ABLIM1: variants seen among roughly 807,000 people sequenced by gnomAD.
ABLIM1 encodes the protein actin binding LIM protein 1.
ABLIM1 carries 40 observed loss-of-function variants against 107.0 expected under a neutral mutation model. The ratio of observed to expected loss-of-function variants is 0.37; its 90% CI spans 0.29 to 0.49. The LOEUF (loss-of-function observed/expected upper bound fraction) is 0.49, where lower values mean the gene tolerates loss of function less well. Ranked by LOEUF, ABLIM1 falls within the 20% of genes least tolerant of loss-of-function variation. The probability of loss-of-function intolerance (pLI) is 0.97; values close to 1 mark genes in which losing one functional copy is unlikely to be tolerated. For synonymous variants in ABLIM1, 357 were observed against 357.3 expected (o/e 1.00, Z 0.01); for missense variants, 857 against 1,008.5 (o/e 0.85, Z 2.04).
the ABLIM1 span, among the ~76,000 whole-genome samples, chr10:114,784,339 C>CT: frequency 7.9e-6 from 1 of 125,920 alleles, no homozygotes; most frequent in Non-Finnish European, 1.5e-5. Context: ...GAGCAAGACT[C>CT]TGTCTCAAAA....
At chr10:114,562,423 G>A (rs913410872) in intron 4 of ABLIM1, among the ~76,000 whole-genome samples, 5 of 152,140 alleles carry the variant, frequency 3.3e-5, no homozygotes, top group Non-Finnish European at 5.9e-5. Flanking sequence ...CAGCTACTCG[G>A]GAGGCTGAGG....
chr10:114,787,712 G>A, the ABLIM1 span, among the ~76,000 whole-genome samples: 1 of 130,562 alleles, frequency 7.7e-6, no homozygotes. Flanking sequence ...AGGTGGGGGG[G>A]TCAGCCCCCC....
At chr10:114,730,396 T>C (rs808352) in intron 1 of ABLIM1, among the ~76,000 whole-genome samples, 86,630 of 126,656 alleles carry the variant, frequency 0.68, 27,980 homozygotes, top group Non-Finnish European at 0.72. Context: ...AAACTCCATC[T>C]CAAAAAAAAA....
At chr10:114,456,928 T>G (rs2062930428) in intron 12 of ABLIM1, among the ~76,000 whole-genome samples, 1 of 118,890 alleles carries the variant, frequency 8.4e-6, no homozygotes, top group Non-Finnish European at 1.7e-5. Context: ...CTAGTTGTTT[T>G]TTTTTTAAAA....
chr10:114,764,239 T>C (rs1158212071), intron 1 of ABLIM1, among the ~76,000 whole-genome samples: 1 of 152,230 alleles, frequency 6.6e-6, no homozygotes, highest in South Asian at 2.1e-4. Flanking sequence ...AAGATGGGAA[T>C]GTCTTAGCTT....
At chr10:114,553,643 C>G (rs1458117009) in intron 4 of ABLIM1, among the ~76,000 whole-genome samples, 1 of 152,218 alleles carries the variant, frequency 6.6e-6, no homozygotes, top group East Asian at 1.9e-4. Flanking sequence ...GCCTCCCACT[C>G]TCTGCCTAGA....
In ABLIM1 at chr10:114,433,513, C is replaced by T. The variant is rs2059064943; in HGVS notation, c.*2747G>A. On this transcript the variant is annotated 3_prime_UTR_variant, in exon 23 of 23. Coordinates refer to ENST00000533213, the MANE Select transcript of ABLIM1 (RefSeq NM_002313.7). Reference sequence around the variant, plus strand: ...GCAGATAGGAGGCTACTGGTGCTTTCTGGCAATGCATTTCTGCAAGGTGCA... The same window carrying T: ...GCAGATAGGAGGCTACTGGTGCTTTTTGGCAATGCATTTCTGCAAGGTGCA... 6.6e-6 allele frequency: 1 copy of T among 152,240 alleles called. No homozygotes were observed. The highest frequency in any genetic ancestry group is 2.1e-4 in the South Asian group (1 of 4,834). The allele number at this position is 152,240 out of a possible 1,614,324, so 9.4% of individuals were successfully genotyped here.
At chr10:114,782,969 G>T in the ABLIM1 span, among the ~76,000 whole-genome samples, 5 of 152,142 alleles carry the variant, frequency 3.3e-5, no homozygotes, top group South Asian at 1.0e-3. Context: ...GGAGGATGCT[G>T]GGATGGGGAA....
At chr10:114,676,292 C>T (rs1417179691) in intron 1 of ABLIM1, among the ~76,000 whole-genome samples, 3 of 152,130 alleles carry the variant, frequency 2.0e-5, no homozygotes, top group Non-Finnish European at 4.4e-5. Context: ...GCCTGGCCAA[C>T]ATGGCAAAAT....
chr10:114,748,327 G>C (rs1209860144), intron 1 of ABLIM1, among the ~76,000 whole-genome samples: 7 of 152,056 alleles, frequency 4.6e-5, no homozygotes, highest in African/African-American at 9.7e-5. Flanking sequence ...ATCTGCGGTT[G>C]GCCAGCTTAT....
intron 1 of ABLIM1, among the ~76,000 whole-genome samples, chr10:114,753,591 CT>C (rs200408728): frequency 6.6e-6 from 1 of 151,868 alleles, no homozygotes. Flanking sequence ...GGCAAAGCAG[CT>C]TTTTTTTCTT....
chr10:114,495,202 A>G (rs1246162190), intron 6 of ABLIM1, among the ~76,000 whole-genome samples: 1 of 152,148 alleles, frequency 6.6e-6, no homozygotes, highest in Non-Finnish European at 1.5e-5. Flanking sequence ...AACCCTTTAT[A>G]ACAAAAATAT....
upstream of ABLIM1, among the ~76,000 whole-genome samples, chr10:114,688,184 T>C (rs548405420): frequency 1.1e-4 from 16 of 152,218 alleles, no homozygotes; most frequent in Non-Finnish European, 2.2e-4. Context: ...TCCTCCGTGC[T>C]AATATTCATT....
chr10:114,693,285 G>C (rs980521418), intron 1 of ABLIM1, among the ~76,000 whole-genome samples: 2 of 152,136 alleles, frequency 1.3e-5, no homozygotes, highest in African/African-American at 4.8e-5. Flanking sequence ...CTGAAGAAAG[G>C]GTTCCATAGC....
At position 114,707,569 on chromosome 10, in the gene ABLIM1, T is replaced by C. The variant is rs1365165880; in HGVS notation, c.-213+60492A>G. On this transcript the variant is annotated intron_variant, in intron 1 of 15. Coordinates refer to the ABLIM1 transcript ENST00000651092. The surrounding 1 kb of genome is among the most constrained non-coding windows in gnomAD (Gnocchi z 4.1). ...AATGACAAATTTGCTAAACCATCAATCCTGCTGCCCCTGGCTTCCTGAGTA... is the reference window on the plus strand; with the variant it reads ...AATGACAAATTTGCTAAACCATCAACCCTGCTGCCCCTGGCTTCCTGAGTA... Among the ~76,000 whole-genome samples the C allele has an allele frequency of 1.3e-5, 2 of 151,860 alleles. No homozygotes were observed. Among genetic ancestry groups the C allele is most frequent in the Non-Finnish European group, 2.9e-5 (2 of 67,968 alleles).
chr10:114,593,236 C>T (rs1488797305), intron 2 of ABLIM1, among the ~76,000 whole-genome samples: 1 of 152,144 alleles, frequency 6.6e-6, no homozygotes, highest in East Asian at 1.9e-4. Flanking sequence ...TTCGGCATGC[C>T]TTTCCTCAAG....
chr10:114,718,524 C>T (rs1178316679), intron 1 of ABLIM1, among the ~76,000 whole-genome samples: 3 of 152,172 alleles, frequency 2.0e-5, no homozygotes, highest in African/African-American at 4.8e-5. Flanking sequence ...CTGATTCAGG[C>T]GGGGTGATTA....
chr10:114,517,326 C>A (rs933120602), intron 6 of ABLIM1, among the ~76,000 whole-genome samples: 1 of 152,050 alleles, frequency 6.6e-6, no homozygotes, highest in Admixed American at 6.5e-5. Flanking sequence ...GCAAGCTGGA[C>A]CCACATGAAG....
At chr10:114,594,040 C>T (rs2075171727) in intron 2 of ABLIM1, among the ~76,000 whole-genome samples, 1 of 152,134 alleles carries the variant, frequency 6.6e-6, no homozygotes, top group African/African-American at 2.4e-5. Flanking sequence ...TTTGGTTAAC[C>T]TGCCTTTTAA....
Sources: allele counts gnomAD v4.1 joint callset (sites outside exome capture counted in the v4.1 genomes callset), GRCh38; gene constraint gnomAD v4.1.1; non-coding constraint Gnocchi (gnomAD v3.1); transcripts MANE v1.5; gene names NCBI Gene and HGNC (gene_info 2026-07-23, HGNC 2026-07-21).